CADM2: variants seen among roughly 807,000 people sequenced by gnomAD.
The protein encoded by CADM2 is immunoglobulin superfamily member 4D.
Under a neutral mutation model 49.8 loss-of-function variants are expected in CADM2, and 12 were observed. That is an observed-to-expected ratio of 0.24 (90% CI 0.15 to 0.39). The LOEUF (loss-of-function observed/expected upper bound fraction) is 0.39, where lower values mean the gene tolerates loss of function less well. Among genes scored for constraint, CADM2 ranks in the 10% least tolerant of loss-of-function variants. The pLI, the probability that CADM2 is intolerant of heterozygous loss-of-function variation, is 1.00. For synonymous variants in CADM2, 214 were observed against 175.4 expected (o/e 1.22, Z -1.74); for missense variants, 378 against 492.3 (o/e 0.77, Z 2.20).
At chr3:85,997,322 CTTT>C (rs1193338581) in intron 8 of CADM2, among the ~76,000 whole-genome samples, 25 of 152,170 alleles carry the variant, frequency 1.6e-4, no homozygotes, top group African/African-American at 5.3e-4. Context: ...GAACCATGAA[CTTT>C]AATACTGTGT....
At chr3:85,528,065 C>T (rs1476885956) in intron 1 of CADM2, among the ~76,000 whole-genome samples, 1 of 152,148 alleles carries the variant, frequency 6.6e-6, no homozygotes, top group Non-Finnish European at 1.5e-5. Context: ...ATCACTTTTG[C>T]CACCATCTCG....
chr3:85,626,754 TG>T (rs1435933751), intron 1 of CADM2, among the ~76,000 whole-genome samples: 1 of 152,060 alleles, frequency 6.6e-6, no homozygotes, highest in Non-Finnish European at 1.5e-5. Context: ...TGGATTCTAT[TG>T]TTAATGATCC....
intron 1 of CADM2, among the ~76,000 whole-genome samples, chr3:85,631,414 T>C (rs1318898357): frequency 6.6e-6 from 1 of 152,096 alleles, no homozygotes; most frequent in Non-Finnish European, 1.5e-5. Flanking sequence ...CCATGGATTA[T>C]AGCATGCTAA....
intron 1 of CADM2, among the ~76,000 whole-genome samples, chr3:85,395,666 C>T (rs1193707252): frequency 3.3e-5 from 5 of 152,002 alleles, no homozygotes; most frequent in Non-Finnish European, 7.4e-5. Flanking sequence ...ATGAGATCAG[C>T]ATTTCATATA....
intron 1 of CADM2, among the ~76,000 whole-genome samples, chr3:85,224,521 A>T (rs1318648515): frequency 6.6e-6 from 1 of 152,124 alleles, no homozygotes; most frequent in African/African-American, 2.4e-5. Flanking sequence ...AGATGGATAG[A>T]TTGCAAACAT....
chr3:85,593,229 A>G (rs993625588), intron 1 of CADM2, among the ~76,000 whole-genome samples: 3 of 151,814 alleles, frequency 2.0e-5, no homozygotes, highest in African/African-American at 7.3e-5. Flanking sequence ...CACAATGTGC[A>G]GGTTTGTTAC....
intron 1 of CADM2, among the ~76,000 whole-genome samples, chr3:85,157,712 C>T (rs375725145): frequency 1.3e-5 from 2 of 151,606 alleles, no homozygotes; most frequent in Admixed American, 6.6e-5. Context: ...AAGACTTAAA[C>T]GTTAGACCTA....
chr3:85,504,282 G>C (rs1196840969), intron 1 of CADM2, among the ~76,000 whole-genome samples: 3 of 151,954 alleles, frequency 2.0e-5, no homozygotes, highest in Non-Finnish European at 4.4e-5. Flanking sequence ...CGGTGGGCTC[G>C]TGGTCTCGCT....
At chr3:86,056,525 A>T (rs1738011526) in intron 8 of CADM2, among the ~76,000 whole-genome samples, 1 of 152,176 alleles carries the variant, frequency 6.6e-6, no homozygotes, top group African/African-American at 2.4e-5. Context: ...ATTTATTGTG[A>T]AATAATTAGG....
intron 8 of CADM2, among the ~76,000 whole-genome samples, chr3:86,033,329 T>C (rs533231423): frequency 6.6e-5 from 10 of 152,002 alleles, no homozygotes; most frequent in Non-Finnish European, 1.5e-4. Context: ...CAGATGTAGG[T>C]TAAAAAGTCC....
chr3:86,049,268 AT>A, intron 8 of CADM2, among the ~76,000 whole-genome samples: 2 of 150,252 alleles, frequency 1.3e-5, no homozygotes, highest in East Asian at 3.9e-4. Context: ...ATTTTATTTT[AT>A]TTTTATTTTT....
chr3:85,703,078 A>C (rs2066830758), intron 1 of CADM2, among the ~76,000 whole-genome samples: 1 of 152,218 alleles, frequency 6.6e-6, no homozygotes, highest in Non-Finnish European at 1.5e-5. Flanking sequence ...ACACACATGT[A>C]GACAAATATA....
intron 1 of CADM2, among the ~76,000 whole-genome samples, chr3:85,368,446 T>C (rs1453114126): frequency 1.3e-5 from 2 of 151,686 alleles, no homozygotes; most frequent in African/African-American, 4.8e-5. Context: ...TCCATGGTAA[T>C]AGCATAAGCA....
intron 1 of CADM2, among the ~76,000 whole-genome samples, chr3:85,057,931 C>T (rs1444956543): frequency 1.3e-5 from 2 of 152,092 alleles, no homozygotes; most frequent in Non-Finnish European, 2.9e-5. Context: ...TTTGCTTTTT[C>T]ATAAAATATT....
intron 3 of CADM2, among the ~76,000 whole-genome samples, chr3:85,849,924 T>C (rs1289040299): frequency 6.6e-6 from 1 of 152,188 alleles, no homozygotes; most frequent in African/African-American, 2.4e-5. Context: ...ATGTTAAAGT[T>C]TGGGACACAC....
intron 1 of CADM2, among the ~76,000 whole-genome samples, chr3:84,981,353 A>G (rs375157338): frequency 6.6e-6 from 1 of 152,104 alleles, no homozygotes; most frequent in African/African-American, 2.4e-5. Flanking sequence ...ATAGTCTTCC[A>G]TTTTAAAGTC....
chr3:85,986,679 A>G lies in CADM2; in HGVS notation c.970+25032A>G, dbSNP rs563032830. Among the ~76,000 whole-genome samples the G allele has an allele frequency of 2.0e-4, 31 of 152,250 alleles. No individual in the cohort carries two copies. The South Asian group carries it at 3.1e-3, about 15-fold the overall frequency. ...AATTTTCACTAGTCTTTTAAAAAACAATCATGATTATGTTTAGTTGATTAA... is the reference window on the plus strand; with the variant it reads ...AATTTTCACTAGTCTTTTAAAAAACGATCATGATTATGTTTAGTTGATTAA... On this transcript the variant is annotated intron_variant, in intron 8 of 9. Coordinates refer to ENST00000383699, the MANE Select transcript of CADM2 (RefSeq NM_001167675.2).
intron 1 of CADM2, among the ~76,000 whole-genome samples, chr3:85,439,496 T>G (rs9813512): frequency 0.25 from 38,013 of 152,084 alleles, 4,921 homozygotes; most frequent in South Asian, 0.34. Flanking sequence ...GTAAATTAAT[T>G]TATTGTTATT....
chr3:85,827,733 T>G (rs2073986801), intron 3 of CADM2, among the ~76,000 whole-genome samples: 1 of 152,044 alleles, frequency 6.6e-6, no homozygotes, highest in South Asian at 2.1e-4. Context: ...GAACAGTTAA[T>G]GCTGCTGTGC....
Sources: allele counts gnomAD v4.1 joint callset (sites outside exome capture counted in the v4.1 genomes callset), GRCh38; gene constraint gnomAD v4.1.1; transcripts MANE v1.5; gene names NCBI Gene and HGNC (gene_info 2026-07-23, HGNC 2026-07-21).